Variants in MCPH1 observed in about 807,000 individuals in gnomAD.
MCPH1 encodes microcephalin 1.
Under a neutral mutation model 84.5 loss-of-function variants are expected in MCPH1, and 104 were observed. That is an observed-to-expected ratio of 1.23 (90% confidence interval 1.05 to 1.45). The LOEUF (loss-of-function observed/expected upper bound fraction) is 1.45, where lower values mean the gene tolerates loss of function less well. MCPH1 is among the 40% of genes most tolerant of loss of function. MCPH1 has a pLI of 0.00. For missense variants in MCPH1, 1,498 were observed against 1,005.7 expected (o/e 1.49, Z -6.62); for synonymous variants, 514 against 366.8 (o/e 1.40, Z -4.58).
In MCPH1 at chr8:6,643,239, A is replaced by G; in HGVS notation, c.*190A>G. On this transcript the variant is annotated 3_prime_UTR_variant, in exon 14 of 14. Transcript: ENST00000344683. ...TCTGATGACTGAATGTCTGTTTCAG[A>G]GACGCTTCGGGCCTTTTTATTTTTA... 1.5e-6 allele frequency: 1 copy of G among 645,366 alleles called. No individual in the cohort carries two copies. The highest frequency in any genetic ancestry group is 1.8e-5 in the South Asian group (1 of 56,572). 40.0% of individuals were successfully genotyped at this position (645,366 alleles called of 1,614,324 possible). A position where few individuals can be genotyped will look rare whatever the true frequency, so the allele number is the denominator to read the frequency against.
chr8:6,517,682 C>G (rs776501111), intron 12 of MCPH1, among the ~76,000 whole-genome samples: 30 of 152,184 alleles, frequency 2.0e-4, no homozygotes, highest in Non-Finnish European at 3.5e-4. Context: ...GGGGCTGTCC[C>G]TGTGTTGTCA....
At position 6,444,727 on chromosome 8, in the gene MCPH1, C is replaced by G. The variant is rs755771006; in HGVS notation, c.1005C>G (p.Thr335=). The part of the protein sequence containing the change: ...TFEEKYRLSP[T]LSSTKGHLLI... ...AAGAGAAGTATCGTTTGTCTCCTACCTTATCTTCAACAAAAGGCCACCTTT... is the reference window on the plus strand; with the variant it reads ...AAGAGAAGTATCGTTTGTCTCCTACGTTATCTTCAACAAAAGGCCACCTTT... The change falls in exon 8 of 14, where the codon ACC becomes ACG. Residue 335 remains threonine (T), a synonymous_variant. Coordinates refer to ENST00000344683, the MANE Select transcript of MCPH1 (RefSeq NM_024596.5). 3 of 1,614,060 alleles carry G rather than the reference C, an allele frequency of 1.9e-6. No individual in the cohort carries two copies. Among genetic ancestry groups the G allele is most frequent in the Non-Finnish European group, 2.5e-6 (3 of 1,180,004 alleles).
chr8:6,513,929 G>A (rs1047311723), intron 12 of MCPH1: 40 of 1,250,084 alleles, frequency 3.2e-5, no homozygotes, highest in Non-Finnish European at 4.0e-5. Flanking sequence ...ACTTAACATA[G>A]AATAACTATC....
chr8:6,435,738 G>A (rs1175564067), intron 4 of MCPH1, among the ~76,000 whole-genome samples: 1 of 152,106 alleles, frequency 6.6e-6, no homozygotes, highest in Non-Finnish European at 1.5e-5. Context: ...TGGTTTGGTG[G>A]TAAGAACAGC....
chr8:6,444,449 G>A lies in MCPH1; in HGVS notation c.727G>A (p.Gly243Arg), dbSNP rs1362816734. 1.9e-6 allele frequency: 3 copies of A among 1,614,060 alleles called. No individual in the cohort carries two copies. Among genetic ancestry groups the A allele is most frequent in the Non-Finnish European group, 2.5e-6 (3 of 1,180,028 alleles). Residue 243 changes from glycine (G) to arginine (R), a missense_variant, in exon 8 of 14, where the codon GGA (glycine) becomes AGA (arginine). Coordinates refer to ENST00000344683, the MANE Select transcript of MCPH1 (RefSeq NM_024596.5). ...SSFDDLCGNS[G>R]CGNQERKLEG... ...TTTTGATGATCTTTGTGGAAACTCAGGATGTGGAAATCAGGAAAGGAAGTT... is the reference window on the plus strand; with the variant it reads ...TTTTGATGATCTTTGTGGAAACTCAAGATGTGGAAATCAGGAAAGGAAGTT...
intron 12 of MCPH1, among the ~76,000 whole-genome samples, chr8:6,577,248 C>G (rs575762582): frequency 1.3e-5 from 2 of 152,304 alleles, no homozygotes; most frequent in South Asian, 4.1e-4. Flanking sequence ...CTTCTGTCCT[C>G]CACACTGTGG....
At chr8:6,589,000 A>C (rs1408352332) in intron 12 of MCPH1, among the ~76,000 whole-genome samples, 1 of 152,256 alleles carries the variant, frequency 6.6e-6, no homozygotes, top group Non-Finnish European at 1.5e-5. Flanking sequence ...GCAGTCACTG[A>C]AGGGATTCTT....
intron 12 of MCPH1, among the ~76,000 whole-genome samples, chr8:6,586,219 C>G (rs990810262): frequency 4.6e-5 from 7 of 152,148 alleles, no homozygotes; most frequent in Non-Finnish European, 8.8e-5. Flanking sequence ...CCTCAGCCTC[C>G]CGGAGTCCTG....
Position 6,445,124 on chromosome 8 carries a change from AC to A in MCPH1, c.1404del (p.Arg469GlufsTer31). 3 of 1,614,262 alleles carry A rather than the reference AC, an allele frequency of 1.9e-6. No homozygotes were observed. Among genetic ancestry groups the A allele is most frequent in the Non-Finnish European group, 2.5e-6 (3 of 1,180,040 alleles). The stretch of plus-strand genomic sequence containing the variant: ...TGATTTTTCCTGCGTTGGCAAAAAA[AC>A]CAGAACAGTTGACATTACCAATTTC... Reference protein sequence around the residue: ...MSDFSCVGKKTRTVDITNFTA... With the variant: ...MSDFSCVGKKXRTVDITNFTA... On this transcript the variant is annotated frameshift_variant, in exon 8 of 14. Transcript: ENST00000344683. LOFTEE classifies it high-confidence loss of function.
At chr8:6,597,586 T>C (rs558927320) in intron 12 of MCPH1, among the ~76,000 whole-genome samples, 1 of 152,232 alleles carries the variant, frequency 6.6e-6, no homozygotes, top group African/African-American at 2.4e-5. Context: ...TGCTGGGTTT[T>C]CTCTGGGGGC....
At chr8:6,563,168 T>G (rs1825815268) in intron 12 of MCPH1, 1 of 390,378 alleles carries the variant, frequency 2.6e-6, no homozygotes, top group Admixed American at 3.7e-5. Flanking sequence ...CCTGCTCACT[T>G]GGGAGGGCTG....
intron 12 of MCPH1, among the ~76,000 whole-genome samples, chr8:6,570,940 A>G (rs1196086439): frequency 6.6e-6 from 1 of 151,996 alleles, no homozygotes; most frequent in African/African-American, 2.4e-5. Context: ...ATGGAACCTT[A>G]AGGACTTTGA....
intron 9 of MCPH1, among the ~76,000 whole-genome samples, chr8:6,462,417 C>G (rs770442534): frequency 5.3e-5 from 8 of 152,162 alleles, no homozygotes; most frequent in African/African-American, 1.7e-4. Flanking sequence ...ATTAATTTCC[C>G]TTTTACTTTT....
intron 12 of MCPH1, among the ~76,000 whole-genome samples, chr8:6,504,028 A>T (rs1204347377): frequency 2.6e-5 from 4 of 152,170 alleles, no homozygotes; most frequent in Admixed American, 2.0e-4. Flanking sequence ...GAAATATTCT[A>T]TAAGCAGGGG....
At chr8:6,541,061 C>T (rs558133310) in intron 12 of MCPH1, among the ~76,000 whole-genome samples, 1 of 152,260 alleles carries the variant, frequency 6.6e-6, no homozygotes, top group African/African-American at 2.4e-5. Context: ...TGTCCCGAGG[C>T]AGCTTGGAGC....
chr8:6,537,098 G>A (rs1425409127), intron 12 of MCPH1, among the ~76,000 whole-genome samples: 1 of 151,972 alleles, frequency 6.6e-6, no homozygotes, highest in Non-Finnish European at 1.5e-5. Flanking sequence ...CATCAAAACA[G>A]TTCCAAGATA....
intron 12 of MCPH1, among the ~76,000 whole-genome samples, chr8:6,555,480 G>C (rs1411074538): frequency 7.8e-6 from 1 of 127,832 alleles, no homozygotes; most frequent in Non-Finnish European, 1.5e-5. Flanking sequence ...TTTTTTTTTG[G>C]AGACAGGATC....
intron 12 of MCPH1, among the ~76,000 whole-genome samples, chr8:6,593,113 C>T (rs543332700): frequency 4.4e-5 from 5 of 112,708 alleles, no homozygotes; most frequent in Admixed American, 3.4e-4. Flanking sequence ...GACAGAGTTT[C>T]GCTCTTGTTG....
chr8:6,518,034 A>G (rs1442332480), intron 12 of MCPH1, among the ~76,000 whole-genome samples: 1 of 151,942 alleles, frequency 6.6e-6, no homozygotes, highest in African/African-American at 2.4e-5. Context: ...ATAATCCCAG[A>G]GTACTATATA....
Sources: gnomAD v4.1 joint callset for allele counts (sites outside exome capture counted in the v4.1 genomes callset) on GRCh38, gnomAD v4.1.1 for gene constraint, MANE v1.5 for transcripts, NCBI Gene and HGNC (gene_info 2026-07-23, HGNC 2026-07-21) for gene names.